Variants in MLLT3 observed in about 807,000 individuals in gnomAD.
MLLT3 encodes MLLT3 super elongation complex subunit, also known as protein AF-9.
Under a neutral mutation model 53.2 loss-of-function variants are expected in MLLT3, and 4 were observed. The ratio of observed to expected loss-of-function variants is 0.08; its 90% CI spans 0.04 to 0.17. The LOEUF (loss-of-function observed/expected upper bound fraction) is 0.17, where lower values mean the gene tolerates loss of function less well. Ranked by LOEUF, MLLT3 falls within the 10% of genes least tolerant of loss-of-function variation. MLLT3 has a pLI of 1.00. For synonymous variants in MLLT3, 283 were observed against 230.6 expected (o/e 1.23, Z -2.06); for missense variants, 569 against 684.0 (o/e 0.83, Z 1.87).
At chr9:20,582,456 C>A (rs1483485363) in intron 2 of MLLT3, among the ~76,000 whole-genome samples, 4 of 152,142 alleles carry the variant, frequency 2.6e-5, no homozygotes, top group Admixed American at 2.6e-4. Flanking sequence ...CATAGTTTTA[C>A]CTTTTTCAGA....
intron 2 of MLLT3, among the ~76,000 whole-genome samples, chr9:20,532,262 T>C (rs1818358344): frequency 6.6e-6 from 1 of 151,898 alleles, no homozygotes; most frequent in African/African-American, 2.4e-5. Context: ...CTTTAAAAGA[T>C]TACCTTCTGT....
intron 2 of MLLT3, among the ~76,000 whole-genome samples, chr9:20,531,914 G>C (rs1818348424): frequency 6.6e-6 from 1 of 151,084 alleles, no homozygotes; most frequent in African/African-American, 2.4e-5. Flanking sequence ...AAAATTTTTA[G>C]CTTTCACAGG....
rs1163688193 is a variant in MLLT3, at chr9:20,620,497, G to A, written c.193+157C>T. ...GTGGCGCGCGCGCGGGCAGGCGGGA[G>A]CCGGGACCTGGCCCGCGCGGCGCCG... is the stretch of plus-strand genomic sequence containing the variant. On this transcript the variant is annotated intron_variant, in intron 2 of 10. Coordinates refer to ENST00000380338, the MANE Select transcript of MLLT3 (RefSeq NM_004529.4). This position sits in a 1 kb window ranked among gnomAD's most constrained non-coding sequence, Gnocchi z 6.1. Among the ~76,000 whole-genome samples the A allele has an allele frequency of 6.6e-6, 1 of 150,898 alleles. No individual in the cohort carries two copies. Among genetic ancestry groups the A allele is most frequent in the African/African-American group, 2.4e-5 (1 of 41,270 alleles).
chr9:20,425,843 T>C (rs1321416801), intron 4 of MLLT3, among the ~76,000 whole-genome samples: 6 of 152,032 alleles, frequency 3.9e-5, no homozygotes, highest in Non-Finnish European at 8.8e-5. Flanking sequence ...CCCAGCCTTT[T>C]GTTCTAAAGA....
intron 2 of MLLT3, among the ~76,000 whole-genome samples, chr9:20,537,963 T>C (rs1227656317): frequency 2.6e-5 from 4 of 152,172 alleles, no homozygotes; most frequent in Non-Finnish European, 5.9e-5. Context: ...GGCAGACTTA[T>C]AATATTCCTT....
Position 20,622,470 on chromosome 9 carries a change from A to T in MLLT3, c.-214T>A. The T allele has an allele frequency of 1.8e-6, 1 of 540,930 alleles. No homozygotes were observed. Among genetic ancestry groups the T allele is most frequent in the South Asian group, 2.5e-5 (1 of 39,456 alleles). 33.5% of individuals were successfully genotyped at this position (540,930 alleles called of 1,614,324 possible). A position where few individuals can be genotyped will look rare whatever the true frequency, so the allele number is the denominator to read the frequency against. ...CCCCAAAAGCAAAAGCAGCAGCAGC[A>T]GCAGCAGCTCCAGGGTAAAGAAGAT... On this transcript the variant is annotated 5_prime_UTR_variant, in exon 1 of 11. Coordinates refer to ENST00000380338, the MANE Select transcript of MLLT3 (RefSeq NM_004529.4).
chr9:20,398,582 C>A (rs977536627), intron 5 of MLLT3, among the ~76,000 whole-genome samples: 4 of 152,010 alleles, frequency 2.6e-5, no homozygotes, highest in Non-Finnish European at 5.9e-5. Context: ...TTCAAGAGCA[C>A]TGTAAACATT....
intron 3 of MLLT3, among the ~76,000 whole-genome samples, chr9:20,456,085 T>A (rs1386025403): frequency 6.6e-6 from 1 of 152,032 alleles, no homozygotes; most frequent in Non-Finnish European, 1.5e-5. Flanking sequence ...ATTACAGGCA[T>A]CCACCACCAT....
intron 4 of MLLT3, among the ~76,000 whole-genome samples, chr9:20,424,897 T>C (rs1044861915): frequency 6.6e-6 from 1 of 152,166 alleles, no homozygotes; most frequent in Admixed American, 6.5e-5. Flanking sequence ...TATGTCTGTA[T>C]ATGTGTGTGC....
chr9:20,397,690 T>C (rs564041530), intron 5 of MLLT3, among the ~76,000 whole-genome samples: 2 of 152,298 alleles, frequency 1.3e-5, no homozygotes, highest in East Asian at 3.9e-4. Context: ...TGCCTTTCCT[T>C]AAGAAAACAG....
chr9:20,514,522 T>C (rs866887872), intron 2 of MLLT3, among the ~76,000 whole-genome samples: 1 of 151,996 alleles, frequency 6.6e-6, no homozygotes, highest in Non-Finnish European at 1.5e-5. Context: ...TTTTATTTTT[T>C]TTTTGGTGGT....
At chr9:20,552,547 T>C (rs572206579) in intron 2 of MLLT3, among the ~76,000 whole-genome samples, 38 of 152,230 alleles carry the variant, frequency 2.5e-4, no homozygotes, top group African/African-American at 7.5e-4. Flanking sequence ...TGGGGCAGAA[T>C]AGACGGTTTG....
At chr9:20,589,271 C>T (rs573053959) in intron 2 of MLLT3, among the ~76,000 whole-genome samples, 4 of 152,102 alleles carry the variant, frequency 2.6e-5, no homozygotes, top group Non-Finnish European at 5.9e-5. Flanking sequence ...AGGATGAGTT[C>T]ATGTCCTTTG....
chr9:20,429,664 G>A (rs1271691859), intron 4 of MLLT3, among the ~76,000 whole-genome samples: 6 of 152,114 alleles, frequency 3.9e-5, no homozygotes, highest in African/African-American at 1.4e-4. Context: ...ACAGATTAAA[G>A]GAGAACAAAA....
At chr9:20,449,255 C>G (rs1823782467) in intron 3 of MLLT3, among the ~76,000 whole-genome samples, 1 of 152,122 alleles carries the variant, frequency 6.6e-6, no homozygotes, top group South Asian at 2.1e-4. Context: ...TCATTGTGCC[C>G]TCAAAGACTA....
intron 2 of MLLT3, among the ~76,000 whole-genome samples, chr9:20,501,171 C>T (rs1208175466): frequency 6.6e-6 from 1 of 152,132 alleles, no homozygotes; most frequent in East Asian, 1.9e-4. Flanking sequence ...ATCATGATGT[C>T]ACAAATCTTT....
chr9:20,450,736 C>T (rs1392649638), intron 3 of MLLT3, among the ~76,000 whole-genome samples: 1 of 152,162 alleles, frequency 6.6e-6, no homozygotes, highest in Non-Finnish European at 1.5e-5. Context: ...TTAGATGTCC[C>T]TCATGGCATT....
chr9:20,405,408 C>T (rs1325657263), intron 5 of MLLT3, among the ~76,000 whole-genome samples: 1 of 152,152 alleles, frequency 6.6e-6, no homozygotes, highest in Non-Finnish European at 1.5e-5. Flanking sequence ...ATTTTATTTT[C>T]TCAAAAGTGT....
At chr9:20,530,129 G>A (rs1818294645) in intron 2 of MLLT3, among the ~76,000 whole-genome samples, 1 of 152,112 alleles carries the variant, frequency 6.6e-6, no homozygotes, top group Non-Finnish European at 1.5e-5. Context: ...TGTTAATTTT[G>A]CTTAGAAACG....
Sources: allele counts gnomAD v4.1 joint callset (sites outside exome capture counted in the v4.1 genomes callset), GRCh38; gene constraint gnomAD v4.1.1; non-coding constraint Gnocchi (gnomAD v3.1); transcripts MANE v1.5; gene names NCBI Gene and HGNC (gene_info 2026-07-23, HGNC 2026-07-21).